Variants in NEBL observed in about 807,000 individuals in gnomAD.
NEBL encodes nebulette, also known as LIM and SH3 protein 2.
In NEBL, 122 loss-of-function variants were observed where a neutral mutation model predicts 140.2. The ratio of observed to expected loss-of-function variants is 0.87; its 90% CI spans 0.75 to 1.01. NEBL has a LOEUF of 1.01. Ranked by LOEUF, NEBL falls within the 50% of genes least tolerant of loss-of-function variation. NEBL has a pLI of 0.00. For synonymous variants in NEBL, 436 were observed against 398.9 expected (o/e 1.09, Z -1.11); for missense variants, 1,365 against 1,231.3 (o/e 1.11, Z -1.62).
At chr10:21,111,741 G>A (rs1308664072) in intron 2 of NEBL, among the ~76,000 whole-genome samples, 1 of 151,044 alleles carries the variant, frequency 6.6e-6, no homozygotes, top group Non-Finnish European at 1.5e-5. Flanking sequence ...AGACAAATGG[G>A]ATCTAATTAA....
At chr10:21,127,060 C>T (rs1453643069) in intron 2 of NEBL, among the ~76,000 whole-genome samples, 1 of 148,716 alleles carries the variant, frequency 6.7e-6, no homozygotes, top group East Asian at 2.0e-4. Flanking sequence ...TGATTCAATA[C>T]ACTCAAACGC....
At chr10:20,935,755 A>G (rs1834449464) in intron 4 of NEBL, among the ~76,000 whole-genome samples, 1 of 152,192 alleles carries the variant, frequency 6.6e-6, no homozygotes, top group Non-Finnish European at 1.5e-5. Flanking sequence ...TTATCTAAAA[A>G]TCTTAGGGTC....
intron 4 of NEBL, among the ~76,000 whole-genome samples, chr10:20,931,991 A>G (rs371864610): frequency 4.4e-4 from 67 of 152,294 alleles, no homozygotes; most frequent in African/African-American, 1.5e-3. Context: ...CTAACTGGCC[A>G]CACCACTCAC....
At chr10:21,215,136 T>C (rs1219054230) in intron 3 of NEBL, among the ~76,000 whole-genome samples, 3 of 152,150 alleles carry the variant, frequency 2.0e-5, no homozygotes, top group Non-Finnish European at 4.4e-5. Flanking sequence ...TTACCTAACA[T>C]ACAATTTGGT....
chr10:20,860,561 CAAAAAGAAAAA>C (rs934584088), intron 7 of NEBL, among the ~76,000 whole-genome samples: 16 of 61,948 alleles, frequency 2.6e-4, no homozygotes, highest in East Asian at 1.9e-3. Context: ...AAGTTCACTA[CAAAAAGAAAAA>C]AAAAAAAAAA....
intron 1 of NEBL, among the ~76,000 whole-genome samples, chr10:21,284,195 G>C (rs1018923807): frequency 3.7e-5 from 4 of 109,542 alleles, no homozygotes; most frequent in African/African-American, 1.5e-4. Flanking sequence ...GGGTGACAGA[G>C]CAAGACTCCG....
rs1181875095 is a variant in NEBL at position 20,785,885 on chromosome 10, A to G, written c.2907T>C (p.Asp969=). ...YRAMYDYSAQ[D]EDEVSFRDGD... ...CGTCTCTAAAGGAGACCTCGTCTTC[A>G]TCCTGGGCACTGTAATCGTACATGG... The change falls in exon 28 of 28, where the codon GAT becomes GAC. Residue 969 remains aspartate (D), a synonymous_variant. Transcript: ENST00000377122. The G allele has an allele frequency of 6.2e-7, 1 of 1,613,924 alleles. No homozygotes were observed. The highest frequency in any genetic ancestry group is 1.3e-5 in the African/African-American group (1 of 74,912).
chr10:20,858,783 T>C (rs972661576), intron 8 of NEBL, among the ~76,000 whole-genome samples: 19 of 152,198 alleles, frequency 1.2e-4, no homozygotes, highest in African/African-American at 4.1e-4. Flanking sequence ...TAATAAACCA[T>C]TGATAGCAAG....
rs11012531 is a variant in NEBL, at chr10:21,116,745, A to G, written c.164+55638T>C. Among the ~76,000 whole-genome samples the G allele has an allele frequency of 5.3e-4, 81 of 152,100 alleles. No individual in the cohort carries two copies. In the East Asian group the frequency reaches 0.014, roughly 26 times the overall value. ...AGTGAAGTGGCACAATCATAGCTCA[A>G]TGCAACCTCAAACTCCTGGATTTAA... On this transcript the variant is annotated intron_variant, in intron 2 of 6. Coordinates refer to the NEBL transcript ENST00000417816.
chr10:21,102,059 G>A (rs2131992441), intron 2 of NEBL, among the ~76,000 whole-genome samples: 1 of 152,294 alleles, frequency 6.6e-6, no homozygotes, highest in East Asian at 1.9e-4. Flanking sequence ...TAAACTACCT[G>A]TAACTATCCT....
chr10:21,145,936 A>ATC (rs1407786965), intron 2 of NEBL, among the ~76,000 whole-genome samples: 1 of 152,304 alleles, frequency 6.6e-6, no homozygotes, highest in African/African-American at 2.4e-5. Context: ...CCCATTGGGC[A>ATC]TCTAACAACA....
chr10:21,131,934 A>T (rs896999828), intron 2 of NEBL, among the ~76,000 whole-genome samples: 1 of 152,220 alleles, frequency 6.6e-6, no homozygotes, highest in Non-Finnish European at 1.5e-5. Flanking sequence ...AAAAAGGCAG[A>T]TACAGCTTTC....
chr10:20,836,984 T>A (rs1840963371), intron 13 of NEBL, among the ~76,000 whole-genome samples: 1 of 152,168 alleles, frequency 6.6e-6, no homozygotes, highest in Admixed American at 6.5e-5. Flanking sequence ...GCTCCACTGA[T>A]CAGCCGTTCC....
chr10:20,972,104 A>G (rs1836600066), intron 3 of NEBL, among the ~76,000 whole-genome samples: 1 of 152,258 alleles, frequency 6.6e-6, no homozygotes. Context: ...AAGAAAAGCT[A>G]CATCCTAACT....
rs186036098 is a variant in NEBL, at chr10:21,228,952, T to G, written n.348+18969A>C. ...GTTGGACTCTCCAGAGCTCTCTATTTCCTCTGTCATAGCCTGCATCCCAGT... is the reference window on the plus strand; with the variant it reads ...GTTGGACTCTCCAGAGCTCTCTATTGCCTCTGTCATAGCCTGCATCCCAGT... On this transcript the variant is annotated intron_variant and non_coding_transcript_variant, in intron 3 of 8. Transcript: ENST00000675702. Among the ~76,000 whole-genome samples the G allele has an allele frequency of 5.9e-4, 90 of 152,150 alleles. 1 individual carries two copies. The highest frequency in any genetic ancestry group is 2.1e-3 in the African/African-American group (86 of 41,502).
intron 4 of NEBL, among the ~76,000 whole-genome samples, chr10:20,887,411 CTTTTTTTTTTTTTT>C (rs36034071): frequency 7.4e-5 from 6 of 80,630 alleles, no homozygotes; most frequent in African/African-American, 9.8e-5. Context: ...TGAATTCAAC[CTTTTTTTTTTTTTT>C]TTTTTTTTTT....
Position 20,785,878 on chromosome 10 carries a change from C to T in NEBL, c.2914G>A (p.Glu972Lys), listed in dbSNP as rs1554769095. 1 of 1,613,896 alleles carries T rather than the reference C, an allele frequency of 6.2e-7. No individual in the cohort carries two copies. The highest frequency in any genetic ancestry group is 8.5e-7 in the Non-Finnish European group (1 of 1,179,952). ...MYDYSAQDED[E>K]VSFRDGDYIV... ...TAGTCGCCGTCTCTAAAGGAGACCT[C>T]GTCTTCATCCTGGGCACTGTAATCG... is the stretch of plus-strand genomic sequence containing the variant. The change falls in exon 28 of 28, where the codon GAG (glutamate) becomes AAG (lysine). Residue 972 changes from glutamate (E) to lysine (K), a missense_variant. Glu to Lys is a moderately conservative substitution (Grantham distance 56). Transcript: ENST00000377122.
intron 2 of NEBL, among the ~76,000 whole-genome samples, chr10:21,088,953 T>C (rs555035400): frequency 6.6e-6 from 1 of 152,078 alleles, no homozygotes; most frequent in African/African-American, 2.4e-5. Flanking sequence ...GCAGGAAAGA[T>C]TGTTTGAGGT....
At chr10:21,017,946 G>A (rs1264880961) in intron 3 of NEBL, among the ~76,000 whole-genome samples, 4 of 151,672 alleles carry the variant, frequency 2.6e-5, no homozygotes, top group South Asian at 2.1e-4. Flanking sequence ...TCAGTCTCTC[G>A]AGTAGTTGGG....
Sources: gnomAD v4.1 joint callset for allele counts (sites outside exome capture counted in the v4.1 genomes callset) on GRCh38, gnomAD v4.1.1 for gene constraint, MANE v1.5 for transcripts, NCBI Gene and HGNC (gene_info 2026-07-23, HGNC 2026-07-21) for gene names.